The following CELF4 variants were observed in gnomAD, a reference collection of about 807,000 sequenced individuals.
CELF4 encodes the protein CUGBP Elav-like family member 4, also known as CUG-BP- and ETR-3-like factor 4.
CELF4 carries 18 observed loss-of-function variants against 59.9 expected under a neutral mutation model. The observed-to-expected ratio is 0.30, with a 90% CI of 0.21 to 0.45. The LOEUF (loss-of-function observed/expected upper bound fraction) is 0.45. Among genes scored for constraint, CELF4 ranks in the 20% least tolerant of loss-of-function variants. The probability of loss-of-function intolerance (pLI) is 1.00; values close to 1 mark genes in which losing one functional copy is unlikely to be tolerated. For missense variants in CELF4, 456 were observed against 689.0 expected, an observed-to-expected ratio of 0.66 and a Z score of 3.79; for synonymous variants, 261 against 267.1, an observed-to-expected ratio of 0.98 and a Z score of 0.22.
chr18:37,559,268 T>A (rs143868123), intron 1 of CELF4, among the ~76,000 whole-genome samples: 19 of 152,246 alleles, frequency 1.2e-4, no homozygotes, highest in African/African-American at 3.6e-4. Context: ...ATCATCTCCA[T>A]GCCACTTGCA....
At chr18:37,550,626 C>T (rs2099982885) in intron 1 of CELF4, among the ~76,000 whole-genome samples, 1 of 152,246 alleles carries the variant, frequency 6.6e-6, no homozygotes, top group African/African-American at 2.4e-5. Context: ...GCAGGCCCCA[C>T]TGGGAGCCCA....
intron 1 of CELF4, among the ~76,000 whole-genome samples, chr18:37,561,254 C>T (rs562574432): frequency 1.6e-4 from 25 of 152,258 alleles, no homozygotes; most frequent in African/African-American, 6.0e-4. Context: ...AGTGGTTACC[C>T]AGGCACAGAT....
intron 2 of CELF4, among the ~76,000 whole-genome samples, chr18:37,442,452 T>C (rs2099734886): frequency 6.6e-6 from 1 of 152,100 alleles, no homozygotes; most frequent in African/African-American, 2.4e-5. Flanking sequence ...ATTTGCAAAT[T>C]AATGGCTGGG....
At chr18:37,554,387 T>C (rs747461292) in intron 1 of CELF4, among the ~76,000 whole-genome samples, 16 of 152,072 alleles carry the variant, frequency 1.1e-4, no homozygotes, top group Non-Finnish European at 1.8e-4. Flanking sequence ...GGAGAGCAAA[T>C]CAAAGGAAGG....
At chr18:37,461,242 C>T (rs1043085427) in intron 2 of CELF4, among the ~76,000 whole-genome samples, 1 of 152,098 alleles carries the variant, frequency 6.6e-6, no homozygotes, top group Non-Finnish European at 1.5e-5. Flanking sequence ...TCAAGAGTGC[C>T]GTGTTAATCT....
At chr18:37,451,081 A>G (rs1011454846) in intron 2 of CELF4, among the ~76,000 whole-genome samples, 2 of 152,082 alleles carry the variant, frequency 1.3e-5, no homozygotes, top group Non-Finnish European at 2.9e-5. Flanking sequence ...TGGTAGAGGG[A>G]AGGGCTGCAG....
At chr18:37,257,184 C>T (rs1282580132) in intron 11 of CELF4, among the ~76,000 whole-genome samples, 1 of 152,188 alleles carries the variant, frequency 6.6e-6, no homozygotes, top group Non-Finnish European at 1.5e-5. Flanking sequence ...GAAAGCCGGA[C>T]TGCACCCACA....
intron 2 of CELF4, among the ~76,000 whole-genome samples, chr18:37,399,661 T>A (rs1037743623): frequency 1.6e-4 from 24 of 152,180 alleles, no homozygotes; most frequent in Non-Finnish European, 3.1e-4. Context: ...TAACCAGGGT[T>A]GGTTTGTAAC....
intron 11 of CELF4, among the ~76,000 whole-genome samples, chr18:37,258,861 G>T (rs1404217574): frequency 6.6e-6 from 1 of 152,186 alleles, no homozygotes; most frequent in Non-Finnish European, 1.5e-5. Flanking sequence ...TTCTCAGTAG[G>T]TTGGAATTTG....
At chr18:37,404,994 A>G (rs1345392542) in intron 2 of CELF4, among the ~76,000 whole-genome samples, 3 of 151,952 alleles carry the variant, frequency 2.0e-5, no homozygotes, top group Admixed American at 6.6e-5. Context: ...ACAAAACAAA[A>G]CAAAAAAAAG....
At chr18:37,494,662 C>T (rs576556477) in intron 1 of CELF4, among the ~76,000 whole-genome samples, 1 of 152,308 alleles carries the variant, frequency 6.6e-6, no homozygotes, top group Non-Finnish European at 1.5e-5. Flanking sequence ...AGCTCAGAAG[C>T]TTGAGACTGG....
chr18:37,430,588 C>A (rs1044025660), intron 2 of CELF4, among the ~76,000 whole-genome samples: 5 of 152,216 alleles, frequency 3.3e-5, no homozygotes, highest in African/African-American at 1.2e-4. Context: ...CAGAAACGAC[C>A]AGATAACTGA....
At chr18:37,528,957 A>G (rs566723427) in intron 1 of CELF4, 8 of 152,220 alleles carry the variant, frequency 5.3e-5, no homozygotes, top group African/African-American at 1.9e-4. Context: ...TAGACAGCAA[A>G]CAAACCATCT....
chr18:37,443,626 G>C (rs1018490662), intron 2 of CELF4, among the ~76,000 whole-genome samples: 10 of 152,238 alleles, frequency 6.6e-5, no homozygotes, highest in Middle Eastern at 3.4e-3. Context: ...CCCCTGGAAG[G>C]CCTCAGGAAG....
intron 2 of CELF4, among the ~76,000 whole-genome samples, chr18:37,404,132 G>A (rs1444346250): frequency 6.6e-6 from 1 of 152,192 alleles, no homozygotes; most frequent in Non-Finnish European, 1.5e-5. Flanking sequence ...CAGCCCCATG[G>A]GCAGGCCTGA....
chr18:37,266,514 G>C lies in CELF4; in HGVS notation c.1165+19C>G. 6.3e-7 allele frequency: 1 copy of C among 1,582,198 alleles called. No individual in the cohort carries two copies. Among genetic ancestry groups the C allele is most frequent in the Non-Finnish European group, 8.6e-7 (1 of 1,165,118 alleles). On this transcript the variant is annotated intron_variant, in intron 9 of 12. Coordinates refer to ENST00000420428, the MANE Select transcript of CELF4 (RefSeq NM_020180.4). Reference sequence around the variant, plus strand: ...AAACGGAGTTGGGGAAGGAGCCGTGGGGACGCGTGGATACTAACGACCTGC... The same window carrying C: ...AAACGGAGTTGGGGAAGGAGCCGTGCGGACGCGTGGATACTAACGACCTGC...
chr18:37,447,348 A>G (rs146159391), intron 2 of CELF4, among the ~76,000 whole-genome samples: 232 of 152,322 alleles, frequency 1.5e-3, no homozygotes, highest in African/African-American at 5.3e-3. Flanking sequence ...TCCTCCCCAT[A>G]GCCCTGGGAA....
At chr18:37,546,152 G>T (rs2099981354) in intron 1 of CELF4, among the ~76,000 whole-genome samples, 1 of 152,140 alleles carries the variant, frequency 6.6e-6, no homozygotes, top group African/African-American at 2.4e-5. Context: ...CATGCACTTG[G>T]TAGAAACTGT....
At chr18:37,454,295 G>GC (rs2099772087) in intron 2 of CELF4, among the ~76,000 whole-genome samples, 2 of 151,622 alleles carry the variant, frequency 1.3e-5, no homozygotes, top group African/African-American at 2.4e-5. Context: ...AGCATCTCCT[G>GC]TTTTCCATGC....
Sources: allele counts gnomAD v4.1 joint callset (sites outside exome capture counted in the v4.1 genomes callset), GRCh38; gene constraint gnomAD v4.1.1; transcripts MANE v1.5; gene names NCBI Gene and HGNC (gene_info 2026-07-23, HGNC 2026-07-21).